The following BEND6 variants were observed in gnomAD, a reference collection of about 807,000 sequenced individuals.
BEND6 encodes BEN domain containing 6, also known as BEN domain-containing protein 6.
Under a neutral mutation model 31.8 loss-of-function variants are expected in BEND6, and 24 were observed. The ratio of observed to expected loss-of-function variants is 0.75; its 90% CI spans 0.55 to 1.06. BEND6 has a LOEUF of 1.06. Ranked by LOEUF, BEND6 falls within the 50% of genes least tolerant of loss-of-function variation. The probability of loss-of-function intolerance (pLI) is 0.00; values close to 1 mark genes in which losing one functional copy is unlikely to be tolerated. For missense variants in BEND6, 294 were observed against 327.4 expected (o/e 0.90, Z 0.79); for synonymous variants, 109 against 114.6 (o/e 0.95, Z 0.31).
At chr6:57,006,359 C>T (rs537646646) in intron 3 of BEND6, among the ~76,000 whole-genome samples, 7 of 152,332 alleles carry the variant, frequency 4.6e-5, no homozygotes, top group African/African-American at 1.7e-4. Context: ...ATTAAAGGCT[C>T]TGCTGTCACC....
At position 57,011,731 on chromosome 6, in the gene BEND6, A is replaced by AG. The variant is rs1554289996; in HGVS notation, c.299-3402_299-3401insG. ...GCCCTGTCTCAAAAAAAAAAAAAAAAAAAAGAAAAAAAAAGAAAAGAAAAG... is the reference window on the plus strand; with the variant it reads ...GCCCTGTCTCAAAAAAAAAAAAAAAAGAAAAGAAAAAAAAAGAAAAGAAAAG... On this transcript the variant is annotated intron_variant, in intron 3 of 6. Coordinates refer to ENST00000370746, the MANE Select transcript of BEND6 (RefSeq NM_152731.3). Among the ~76,000 whole-genome samples the AG allele has an allele frequency of 1.1e-3, 168 of 147,102 alleles. 2 individuals are homozygous for AG. Among genetic ancestry groups the AG allele is most frequent in the African/African-American group, 4.0e-3 (156 of 39,318 alleles).
intron 2 of BEND6, among the ~76,000 whole-genome samples, chr6:56,991,859 T>A (rs115464930): frequency 6.6e-6 from 1 of 152,286 alleles, no homozygotes; most frequent in Non-Finnish European, 1.5e-5. Flanking sequence ...GTACTTCTTG[T>A]CCTTCTAATA....
At chr6:56,991,567 G>T (rs1012683379) in intron 2 of BEND6, among the ~76,000 whole-genome samples, 2 of 151,960 alleles carry the variant, frequency 1.3e-5, no homozygotes, top group African/African-American at 4.8e-5. Context: ...TCACCACATT[G>T]CCCAGGCTGT....
chr6:56,978,322 G>A (rs1825960639), intron 1 of BEND6, among the ~76,000 whole-genome samples: 1 of 151,872 alleles, frequency 6.6e-6, no homozygotes, highest in African/African-American at 2.4e-5. Flanking sequence ...ATTAAATGTG[G>A]AGGGTTTTTT....
chr6:56,977,610 A>T (rs1017676015), intron 1 of BEND6, among the ~76,000 whole-genome samples: 4 of 152,188 alleles, frequency 2.6e-5, no homozygotes, highest in African/African-American at 9.7e-5. Context: ...GTGTATTTTT[A>T]AAAAATAGCT....
At chr6:57,022,393 G>A (rs546834695) in intron 6 of BEND6, among the ~76,000 whole-genome samples, 2 of 151,118 alleles carry the variant, frequency 1.3e-5, no homozygotes, top group Non-Finnish European at 3.0e-5. Flanking sequence ...ATTTCTTCTA[G>A]GTTTTCCAAT....
chr6:57,008,361 C>G (rs1216034311), intron 3 of BEND6: 1 of 632,204 alleles, frequency 1.6e-6, no homozygotes, highest in Non-Finnish European at 2.8e-6. Flanking sequence ...TGTTTCATTT[C>G]TAGCTTTGAT....
At chr6:56,978,733 G>A (rs948259958) in intron 1 of BEND6, among the ~76,000 whole-genome samples, 1 of 152,144 alleles carries the variant, frequency 6.6e-6, no homozygotes, top group Non-Finnish European at 1.5e-5. Context: ...CAGTGGCAAA[G>A]TTTTACTGCA....
intron 2 of BEND6, among the ~76,000 whole-genome samples, chr6:56,988,892 A>T (rs999486717): frequency 6.6e-6 from 1 of 152,064 alleles, no homozygotes; most frequent in Non-Finnish European, 1.5e-5. Context: ...TTAGCTGGGC[A>T]TGCTGGCGCG....
At chr6:56,972,945 T>C (rs1384074090) in intron 1 of BEND6, among the ~76,000 whole-genome samples, 4 of 152,214 alleles carry the variant, frequency 2.6e-5, no homozygotes, top group Non-Finnish European at 5.9e-5. Flanking sequence ...TTAGTGGCCC[T>C]ATAAGATAGA....
intron 3 of BEND6, among the ~76,000 whole-genome samples, chr6:56,996,818 T>C (rs1318285082): frequency 6.6e-6 from 1 of 152,228 alleles, no homozygotes; most frequent in Non-Finnish European, 1.5e-5. Flanking sequence ...CTGCTGCTAC[T>C]CTGGTCCTAG....
At position 57,006,156 on chromosome 6, in the gene BEND6, AT is replaced by A. The variant is rs199521903; in HGVS notation, c.299-8971del. On this transcript the variant is annotated intron_variant, in intron 3 of 6. Coordinates refer to ENST00000370746, the MANE Select transcript of BEND6 (RefSeq NM_152731.3). ...AGTTGTTTAACCACTCTGTGAGTCC[AT>A]TTTTTCATCTCTAAAATGGAAATAA... Among the ~76,000 whole-genome samples, 1,342 of 152,276 alleles carry A rather than the reference AT, an allele frequency of 8.8e-3. 26 individuals are homozygous for A. Among genetic ancestry groups the A allele is most frequent in the African/African-American group, 0.03 (1,256 of 41,562 alleles).
chr6:57,001,137 C>T (rs1826925293), intron 3 of BEND6, among the ~76,000 whole-genome samples: 1 of 146,172 alleles, frequency 6.8e-6, no homozygotes, highest in Admixed American at 7.0e-5. Flanking sequence ...CCTCCAGGGT[C>T]AATGCTAAAG....
intron 1 of BEND6, among the ~76,000 whole-genome samples, chr6:56,977,193 T>C (rs1287669905): frequency 6.6e-6 from 1 of 152,234 alleles, no homozygotes; most frequent in Non-Finnish European, 1.5e-5. Flanking sequence ...TCAGCAAAGA[T>C]AGTTGCTCAA....
chr6:56,986,212 A>G (rs1286960332), intron 2 of BEND6, among the ~76,000 whole-genome samples: 1 of 152,172 alleles, frequency 6.6e-6, no homozygotes, highest in Admixed American at 6.5e-5. Context: ...TTACATATGT[A>G]TATATATACA....
chr6:57,021,281 A>G (rs1051843161), intron 6 of BEND6, among the ~76,000 whole-genome samples: 1 of 152,192 alleles, frequency 6.6e-6, no homozygotes. Flanking sequence ...AATTAATCAG[A>G]TATAGCACCA....
chr6:56,991,161 A>T (rs1826484069), intron 2 of BEND6, among the ~76,000 whole-genome samples: 1 of 152,216 alleles, frequency 6.6e-6, no homozygotes, highest in South Asian at 2.1e-4. Flanking sequence ...ATCTCTGAAC[A>T]TGATGTCTCT....
chr6:56,993,692 AT>A (rs1321357499), intron 3 of BEND6, among the ~76,000 whole-genome samples: 11 of 152,096 alleles, frequency 7.2e-5, no homozygotes, highest in Non-Finnish European at 1.3e-4. Flanking sequence ...TCTTCACTTC[AT>A]TTTTTTATTT....
intron 6 of BEND6, among the ~76,000 whole-genome samples, chr6:57,021,538 A>C (rs1020550): frequency 0.2 from 31,105 of 152,126 alleles, 3,301 homozygotes; most frequent in Middle Eastern, 0.21. Flanking sequence ...CCCTTTTTTT[A>C]ATATATTCTT....
Sources: gnomAD v4.1 joint callset for allele counts (sites outside exome capture counted in the v4.1 genomes callset) on GRCh38, gnomAD v4.1.1 for gene constraint, MANE v1.5 for transcripts, NCBI Gene and HGNC (gene_info 2026-07-23, HGNC 2026-07-21) for gene names.